NKAIN2: variants seen among roughly 807,000 people sequenced by gnomAD.
NKAIN2 encodes sodium/potassium-transporting ATPase subunit beta-1-interacting protein 2.
Under a neutral mutation model 32.6 loss-of-function variants are expected in NKAIN2, and 14 were observed. That is an observed-to-expected ratio of 0.43 (90% CI 0.28 to 0.67). The LOEUF (loss-of-function observed/expected upper bound fraction) is 0.67. Among genes scored for constraint, NKAIN2 ranks in the 30% least tolerant of loss-of-function variants. The pLI is 0.17. For missense variants in NKAIN2, 198 were observed against 258.3 expected, an observed-to-expected ratio of 0.77 and a Z score of 1.60; for synonymous variants, 80 against 87.2, an observed-to-expected ratio of 0.92 and a Z score of 0.46.
chr6:124,161,363 A>AAAC (rs1788267576), intron 1 of NKAIN2, among the ~76,000 whole-genome samples: 1 of 152,108 alleles, frequency 6.6e-6, no homozygotes, highest in East Asian at 1.9e-4. Flanking sequence ...CCCATGATTC[A>AAAC]AACACCTCAC....
At position 123,969,209 on chromosome 6, in the gene NKAIN2, G is replaced by A. The variant is rs995541160; in HGVS notation, c.54+164955G>A. 2.0e-5 allele frequency among the ~76,000 whole-genome samples: 3 copies of A among 152,264 alleles called. No homozygotes were observed. In the South Asian group the frequency reaches 6.2e-4, roughly 32 times the overall value. On this transcript the variant is annotated intron_variant, in intron 1 of 6. Coordinates refer to ENST00000368417, the MANE Select transcript of NKAIN2 (RefSeq NM_001040214.3). ...AGTGAGACTTACCCTGACTACCACT[G>A]TATTACAAAATGGCAAGCGCCTTAG...
At chr6:124,360,122 C>T (rs1044245729) in intron 3 of NKAIN2, among the ~76,000 whole-genome samples, 2 of 152,112 alleles carry the variant, frequency 1.3e-5, no homozygotes, top group Non-Finnish European at 2.9e-5. Context: ...AGGGATGAAG[C>T]CCACTTGATC....
intron 4 of NKAIN2, among the ~76,000 whole-genome samples, chr6:124,755,316 C>G (rs1777913381): frequency 6.6e-6 from 1 of 152,158 alleles, no homozygotes. Context: ...CAGCTTTGTT[C>G]TAGCCATACT....
chr6:124,486,739 T>C (rs62435062), intron 3 of NKAIN2, among the ~76,000 whole-genome samples: 14,577 of 152,126 alleles, frequency 0.096, 907 homozygotes, highest in Middle Eastern at 0.16. Context: ...TCCTGTTGCC[T>C]TTCATATCCC....
intron 4 of NKAIN2, among the ~76,000 whole-genome samples, chr6:124,687,469 T>C (rs796247781): frequency 7.2e-6 from 1 of 138,386 alleles, no homozygotes; most frequent in Non-Finnish European, 1.6e-5. Flanking sequence ...TATATACACA[T>C]ACATGGAATA....
chr6:124,731,563 G>A (rs376270875), intron 4 of NKAIN2, among the ~76,000 whole-genome samples: 1 of 115,296 alleles, frequency 8.7e-6, no homozygotes, highest in South Asian at 3.4e-4. Context: ...CTGTTGTGGG[G>A]TGGGGGGAGG....
At chr6:124,297,595 C>T (rs1796111772) in intron 2 of NKAIN2, among the ~76,000 whole-genome samples, 1 of 151,970 alleles carries the variant, frequency 6.6e-6, no homozygotes. Context: ...TACCACCCTT[C>T]TAGTCAGTTC....
At chr6:123,952,740 GGTT>G (rs1777386036) in intron 1 of NKAIN2, among the ~76,000 whole-genome samples, 1 of 151,584 alleles carries the variant, frequency 6.6e-6, no homozygotes, top group African/African-American at 2.4e-5. Context: ...ATTTCTATTT[GGTT>G]GTTTCTTATG....
intron 3 of NKAIN2, among the ~76,000 whole-genome samples, chr6:124,371,139 T>C (rs1393009884): frequency 6.6e-6 from 1 of 152,134 alleles, no homozygotes; most frequent in African/African-American, 2.4e-5. Flanking sequence ...GCCAAATAAT[T>C]AGTACAACTG....
At chr6:123,988,370 G>A (rs544469923) in intron 1 of NKAIN2, among the ~76,000 whole-genome samples, 35 of 152,254 alleles carry the variant, frequency 2.3e-4, no homozygotes, top group Non-Finnish European at 4.0e-4. Context: ...ATTGGCACAC[G>A]TTTATTGTTT....
intron 3 of NKAIN2, among the ~76,000 whole-genome samples, chr6:124,599,119 G>T (rs1298237750): frequency 6.7e-6 from 1 of 150,274 alleles, no homozygotes; most frequent in Non-Finnish European, 1.5e-5. Context: ...TTGCCAAACT[G>T]CGATCTCTTC....
At chr6:123,920,303 G>A (rs1268207091) in intron 1 of NKAIN2, among the ~76,000 whole-genome samples, 1 of 152,024 alleles carries the variant, frequency 6.6e-6, no homozygotes, top group African/African-American at 2.4e-5. Context: ...TTTCTAATTG[G>A]TACTTTATAG....
At chr6:123,856,789 C>A (rs534454847) in intron 1 of NKAIN2, among the ~76,000 whole-genome samples, 1 of 152,242 alleles carries the variant, frequency 6.6e-6, no homozygotes, top group East Asian at 1.9e-4. Context: ...CTATAACAAA[C>A]CCCCAGGTTG....
At chr6:124,304,635 G>T (rs1219944291) in intron 2 of NKAIN2, among the ~76,000 whole-genome samples, 2 of 152,124 alleles carry the variant, frequency 1.3e-5, no homozygotes, top group Non-Finnish European at 2.9e-5. Flanking sequence ...TCTATAATTG[G>T]CCAGGCGTGG....
chr6:124,384,009 C>T (rs111260680), intron 3 of NKAIN2, among the ~76,000 whole-genome samples: 79 of 152,284 alleles, frequency 5.2e-4, no homozygotes, highest in African/African-American at 1.4e-3. Context: ...GAGTACCATT[C>T]TTAGCTATGG....
At chr6:123,876,966 C>A (rs906930761) in intron 1 of NKAIN2, among the ~76,000 whole-genome samples, 21 of 152,074 alleles carry the variant, frequency 1.4e-4, no homozygotes, top group African/African-American at 5.1e-4. Flanking sequence ...ACTTTTTTCA[C>A]TTGTTTTTCA....
At position 124,051,784 on chromosome 6, in the gene NKAIN2, G is replaced by T. The variant is rs562357377; in HGVS notation, c.55-231221G>T. ...AGGGGCATAGAATGATGTTATCCTT[G>T]GTCTCTCTAGAAGCATTGGGTTAGT... On this transcript the variant is annotated intron_variant, in intron 1 of 6. Transcript: ENST00000368417. Among the ~76,000 whole-genome samples the T allele has an allele frequency of 5.3e-5, 8 of 152,026 alleles. No individual in the cohort carries two copies. In the South Asian group the frequency reaches 1.7e-3, roughly 32 times the overall value.
chr6:124,226,684 A>G lies in NKAIN2; in HGVS notation c.55-56321A>G, dbSNP rs551721255. 5.9e-5 allele frequency among the ~76,000 whole-genome samples: 9 copies of G among 152,246 alleles called. No homozygotes were observed. In the East Asian group the frequency reaches 1.5e-3, roughly 26 times the overall value. Reference sequence around the variant, plus strand: ...ATCTCTCTCTTTGACAAAAAGTTATATTAAAGTCTAGACTTTGGGAAGGCA... The same window carrying G: ...ATCTCTCTCTTTGACAAAAAGTTATGTTAAAGTCTAGACTTTGGGAAGGCA... On this transcript the variant is annotated intron_variant, in intron 1 of 6. Coordinates refer to ENST00000368417, the MANE Select transcript of NKAIN2 (RefSeq NM_001040214.3).
chr6:124,423,946 T>C (rs1392976978), intron 3 of NKAIN2, among the ~76,000 whole-genome samples: 1 of 152,232 alleles, frequency 6.6e-6, no homozygotes, highest in Non-Finnish European at 1.5e-5. Context: ...ACGAATAGAC[T>C]AAGGCAGTAT....
Sources: allele counts gnomAD v4.1 joint callset (sites outside exome capture counted in the v4.1 genomes callset), GRCh38; gene constraint gnomAD v4.1.1; transcripts MANE v1.5; gene names NCBI Gene and HGNC (gene_info 2026-07-23, HGNC 2026-07-21).